The following PRKCH variants were observed in gnomAD, a reference collection of about 807,000 sequenced individuals.
The protein encoded by PRKCH is protein kinase C eta, also known as protein kinase C eta type.
PRKCH carries 28 observed loss-of-function variants against 82.5 expected under a neutral mutation model. The observed-to-expected ratio is 0.34, with a 90% CI of 0.25 to 0.47. The LOEUF (loss-of-function observed/expected upper bound fraction) is 0.47. Ranked by LOEUF, PRKCH falls within the 20% of genes least tolerant of loss-of-function variation. The probability of loss-of-function intolerance (pLI) is 1.00; values close to 1 mark genes in which losing one functional copy is unlikely to be tolerated. For synonymous variants in PRKCH, 322 were observed against 327.4 expected, an observed-to-expected ratio of 0.98 and a Z score of 0.18; for missense variants, 705 against 881.8, an observed-to-expected ratio of 0.80 and a Z score of 2.54.
At chr14:61,435,784 G>A (rs1883650501) in intron 2 of PRKCH, among the ~76,000 whole-genome samples, 1 of 152,162 alleles carries the variant, frequency 6.6e-6, no homozygotes, top group Admixed American at 6.5e-5. Context: ...TCAGTGTACA[G>A]GCAGTTGATG....
intron 1 of PRKCH, among the ~76,000 whole-genome samples, chr14:61,335,579 A>G (rs1306468287): frequency 6.6e-6 from 1 of 152,224 alleles, no homozygotes; most frequent in East Asian, 1.9e-4. Flanking sequence ...AAATAAAAAA[A>G]ACCACAACCC....
chr14:61,450,401 A>G (rs1884449516), intron 5 of PRKCH, among the ~76,000 whole-genome samples: 1 of 152,158 alleles, frequency 6.6e-6, no homozygotes, highest in Non-Finnish European at 1.5e-5. Flanking sequence ...ATGGCCTCTG[A>G]GTCTCTTCTT....
Position 61,280,072 on chromosome 14 carries a change from G to C in PRKCH, c.-19+92404G>C. 1 of 1,586,150 alleles carries C rather than the reference G, an allele frequency of 6.3e-7. No homozygotes were observed. The highest frequency in any genetic ancestry group is 8.6e-7 in the Non-Finnish European group (1 of 1,165,952). ...CAAGAGTTTTGGCAAGAAGCAGGAG[G>C]GATCCCTGGAAAGCCGGAATCACTC... On this transcript the variant is annotated intron_variant, in intron 1 of 3. Transcript: ENST00000555185. This position sits in a 1 kb window ranked among gnomAD's most constrained non-coding sequence, Gnocchi z 5.0.
chr14:61,446,062 A>G (rs1884206879), intron 4 of PRKCH, among the ~76,000 whole-genome samples: 1 of 152,120 alleles, frequency 6.6e-6, no homozygotes, highest in South Asian at 2.1e-4. Flanking sequence ...GTTTTTTACA[A>G]TCCTATTGAT....
chr14:61,230,653 C>A (rs1381247425), intron 1 of PRKCH, among the ~76,000 whole-genome samples: 1 of 152,194 alleles, frequency 6.6e-6, no homozygotes, highest in Non-Finnish European at 1.5e-5. Context: ...CACAAACACA[C>A]ACATTACAGA....
At chr14:61,528,973 CGTGTGTGT>C (rs57920054) in intron 10 of PRKCH, 94 bp from the exon 11 acceptor site, 629 of 567,152 alleles carry the variant, frequency 1.1e-3, no homozygotes, top group Middle Eastern at 3.4e-3. Context: ...TGTGGCCGCA[CGTGTGTGT>C]GTGTGTGTGT....
intron 2 of PRKCH, among the ~76,000 whole-genome samples, chr14:61,405,525 G>A (rs1342820602): frequency 3.4e-4 from 52 of 152,072 alleles, no homozygotes; most frequent in Admixed American, 3.4e-3. Context: ...TTACAGGCGC[G>A]CAGCACCACG....
At chr14:61,424,515 A>G (rs1483738708) in intron 2 of PRKCH, among the ~76,000 whole-genome samples, 1 of 152,228 alleles carries the variant, frequency 6.6e-6, no homozygotes, top group African/African-American at 2.4e-5. Context: ...AAAGAGACTG[A>G]CAGCATTTTG....
In PRKCH at chr14:61,514,055, A is replaced by G. The variant is rs544457311; in HGVS notation, c.1434-15020A>G. Among the ~76,000 whole-genome samples the G allele has an allele frequency of 7.4e-4, 113 of 152,202 alleles. 3 individuals carry two copies. Among genetic ancestry groups the G allele is most frequent in the African/African-American group, 2.6e-3 (109 of 41,490 alleles). ...TAACTCACCTGAACAGTCACCAGAT[A>G]GCACCAGCATTCCAGCCTGCCTACC... On this transcript the variant is annotated intron_variant, in intron 10 of 13. Coordinates refer to ENST00000332981, the MANE Select transcript of PRKCH (RefSeq NM_006255.5).
In PRKCH at chr14:61,261,371, A is replaced by T. The variant is rs1409404070; in HGVS notation, c.-19+73703A>T. Among the ~76,000 whole-genome samples, 3 of 152,216 alleles carry T rather than the reference A, an allele frequency of 2.0e-5. No individual in the cohort carries two copies. The East Asian group carries it at 5.8e-4, about 29-fold the overall frequency. On this transcript the variant is annotated intron_variant, in intron 1 of 3. Transcript: ENST00000555185. ...TAAGCTCTCTGGGAATTGGGCAGGC[A>T]TTTCTCTTTACAGCCAAATCAACCA...
chr14:61,548,392 T>C (rs2140045837), intron 13 of PRKCH, among the ~76,000 whole-genome samples: 1 of 152,322 alleles, frequency 6.6e-6, no homozygotes, highest in South Asian at 2.1e-4. Context: ...GCCAGGCTTC[T>C]TTGACCAAAG....
chr14:61,268,068 C>A (rs2045119669), intron 1 of PRKCH, among the ~76,000 whole-genome samples: 1 of 152,154 alleles, frequency 6.6e-6, no homozygotes, highest in Non-Finnish European at 1.5e-5. Context: ...TTCGGAATCC[C>A]TTAAAGACAG....
At chr14:61,235,580 G>A (rs1235066640) in intron 1 of PRKCH, among the ~76,000 whole-genome samples, 1 of 152,130 alleles carries the variant, frequency 6.6e-6, no homozygotes, top group Non-Finnish European at 1.5e-5. Context: ...TACAGTACTA[G>A]GTATGGGAAA....
chr14:61,439,543 TGG>T (rs1883851252), intron 2 of PRKCH, among the ~76,000 whole-genome samples: 1 of 152,162 alleles, frequency 6.6e-6, no homozygotes, highest in Non-Finnish European at 1.5e-5. Flanking sequence ...GGGAAGTGCC[TGG>T]GGCAGAAGTG....
intron 1 of PRKCH, among the ~76,000 whole-genome samples, chr14:61,300,185 A>G (rs1312879357): frequency 6.8e-6 from 1 of 147,422 alleles, no homozygotes; most frequent in Non-Finnish European, 1.5e-5. Flanking sequence ...AGTATCTGCT[A>G]TCTAATCTTT....
intron 1 of PRKCH, among the ~76,000 whole-genome samples, chr14:61,232,201 T>C (rs1327886369): frequency 6.6e-6 from 1 of 152,238 alleles, no homozygotes; most frequent in Non-Finnish European, 1.5e-5. Flanking sequence ...GAAACACTTA[T>C]GTTTACCAGT....
chr14:61,326,627 G>A (rs777123375), intron 1 of PRKCH, among the ~76,000 whole-genome samples: 1 of 152,196 alleles, frequency 6.6e-6, no homozygotes, highest in African/African-American at 2.4e-5. Flanking sequence ...ACCAATCAGC[G>A]CTTATCCATA....
chr14:61,512,223 GA>G (rs1887408678), intron 10 of PRKCH, among the ~76,000 whole-genome samples: 1 of 147,584 alleles, frequency 6.8e-6, no homozygotes, highest in African/African-American at 2.5e-5. Flanking sequence ...ACTACATCCT[GA>G]AACTGGGCAG....
At chr14:61,299,104 G>A (rs2045428920) in intron 1 of PRKCH, among the ~76,000 whole-genome samples, 1 of 152,162 alleles carries the variant, frequency 6.6e-6, no homozygotes, top group Admixed American at 6.5e-5. Context: ...ATCACATAAT[G>A]TAGGGTAAAG....
Sources: allele counts gnomAD v4.1 joint callset (sites outside exome capture counted in the v4.1 genomes callset), GRCh38; gene constraint gnomAD v4.1.1; non-coding constraint Gnocchi (gnomAD v3.1); transcripts MANE v1.5; gene names NCBI Gene and HGNC (gene_info 2026-07-23, HGNC 2026-07-21).